GALNS: variants seen among roughly 807,000 people sequenced by gnomAD.
The protein encoded by GALNS is N-acetylgalactosamine-6-sulfatase.
GALNS carries 65 observed loss-of-function variants against 65.9 expected under a neutral mutation model. The observed-to-expected ratio is 0.99, with a 90% CI of 0.81 to 1.21. The LOEUF is 1.21. Among genes scored for constraint, GALNS ranks in the 50% most tolerant of loss-of-function variants. GALNS has a pLI of 0.00. For missense variants in GALNS, 776 were observed against 700.7 expected (o/e 1.11, Z -1.21); for synonymous variants, 346 against 288.9 (o/e 1.20, Z -2.00).
intron 1 of GALNS, among the ~76,000 whole-genome samples, chr16:88,849,704 G>A (rs1967417923): frequency 6.6e-6 from 1 of 152,070 alleles, no homozygotes; most frequent in South Asian, 2.1e-4. Flanking sequence ...GATCCCAGGT[G>A]TGAGCCACCA....
In GALNS at chr16:88,855,830, G is replaced by A. The variant is rs1967812275; in HGVS notation, c.120+928C>T. On this transcript the variant is annotated intron_variant, in intron 1 of 13. Coordinates refer to ENST00000268695, the MANE Select transcript of GALNS (RefSeq NM_000512.5). ...CAGGTGGGTCTGAAGGCACCTGTCA[G>A]GGTCTCTGCTGGTCGGAGCCAGCAC... The A allele has an allele frequency of 5.9e-6, 3 of 505,598 alleles. No homozygotes were observed. The East Asian group carries it at 1.1e-4, about 18-fold the overall frequency. The allele number at this position is 505,598 out of a possible 1,614,324, so 31.3% of individuals were successfully genotyped here.
At chr16:88,834,801 C>A (rs897708334) in intron 8 of GALNS, among the ~76,000 whole-genome samples, 5 of 152,160 alleles carry the variant, frequency 3.3e-5, no homozygotes, top group African/African-American at 9.7e-5. Flanking sequence ...GGCAGCCCGG[C>A]CCCTGGGTGA....
intron 11 of GALNS, among the ~76,000 whole-genome samples, chr16:88,823,039 C>G (rs1008112221): frequency 5.3e-5 from 8 of 152,328 alleles, no homozygotes; most frequent in African/African-American, 1.9e-4. Context: ...TACCCCTCTT[C>G]TTTGCGAGGC....
chr16:88,817,021 C>T, intron 13 of GALNS: 1 of 985,462 alleles, frequency 1.0e-6, no homozygotes. Flanking sequence ...CTGTGTGTGG[C>T]TCGTTTTTGC....
At chr16:88,836,097 G>A (rs1405860794) in intron 6 of GALNS, 104 bp downstream of exon 6, 4 of 1,194,392 alleles carry the variant, frequency 3.3e-6, no homozygotes, top group Non-Finnish European at 4.9e-6. Context: ...CTCCCACGGG[G>A]TGAGGTTGAT....
chr16:88,842,052 T>C (rs1967000664), intron 2 of GALNS, 81 bp from the exon 3 acceptor site: 2 of 1,242,996 alleles, frequency 1.6e-6, no homozygotes, highest in Admixed American at 2.0e-5. Flanking sequence ...CCCCAACGAG[T>C]AGACAGACGC....
chr16:88,826,312 G>A (rs1431541716), intron 10 of GALNS, among the ~76,000 whole-genome samples: 1 of 143,976 alleles, frequency 6.9e-6, no homozygotes, highest in African/African-American at 2.6e-5. Context: ...GGCGGCGTGT[G>A]TCTGGGTACA....
chr16:88,842,406 G>A (rs1360292054), intron 2 of GALNS: 3 of 534,300 alleles, frequency 5.6e-6, no homozygotes, highest in Admixed American at 6.3e-5. Flanking sequence ...ACCCTGAGAC[G>A]GAGCCACACT....
chr16:88,846,119 A>C (rs188636678), intron 1 of GALNS, among the ~76,000 whole-genome samples: 77 of 152,364 alleles, frequency 5.1e-4, no homozygotes, highest in African/African-American at 1.8e-3. Context: ...GGGAACAGAA[A>C]TTTGGTTAAA....
At chr16:88,826,065 G>A (rs1053217755) in intron 10 of GALNS, among the ~76,000 whole-genome samples, 6 of 152,028 alleles carry the variant, frequency 3.9e-5, no homozygotes, top group Admixed American at 1.3e-4. Flanking sequence ...GCAGAGCAGC[G>A]ACTTGGATGG....
intron 1 of GALNS, among the ~76,000 whole-genome samples, chr16:88,854,381 C>G (rs948438478): frequency 6.6e-6 from 1 of 152,232 alleles, no homozygotes; most frequent in African/African-American, 2.4e-5. Context: ...GTCAGGGCAC[C>G]TCGGGGCTCC....
At chr16:88,830,941 A>T (rs73252814) in intron 9 of GALNS, among the ~76,000 whole-genome samples, 25,349 of 152,104 alleles carry the variant, frequency 0.17, 3,238 homozygotes, top group African/African-American at 0.36. Context: ...GCCTGCTCTA[A>T]GCCCCTTCTA....
At chr16:88,833,897 T>C (rs1432038716) in intron 8 of GALNS, among the ~76,000 whole-genome samples, 1 of 152,258 alleles carries the variant, frequency 6.6e-6, no homozygotes, top group Non-Finnish European at 1.5e-5. Context: ...CATTCCATCA[T>C]TTAGAAATGA....
At chr16:88,849,610 A>T (rs113599978) in intron 1 of GALNS, among the ~76,000 whole-genome samples, 1 of 152,038 alleles carries the variant, frequency 6.6e-6, no homozygotes, top group Admixed American at 6.5e-5. Context: ...TTTGGTAGAG[A>T]TGGAGTTTTG....
chr16:88,844,610 C>T (rs1476821435), intron 1 of GALNS: 1 of 152,324 alleles, frequency 6.6e-6, no homozygotes, highest in East Asian at 1.9e-4. Flanking sequence ...GGCCCCTGCC[C>T]TCTACAGGCC....
chr16:88,855,819 G>C, intron 1 of GALNS: 1 of 509,636 alleles, frequency 2.0e-6, no homozygotes, highest in Non-Finnish European at 3.5e-6. Context: ...TGGGTCTGAA[G>C]GCACCTGTCA....
chr16:88,820,707 G>A (rs1243751339), intron 12 of GALNS, among the ~76,000 whole-genome samples: 1 of 152,228 alleles, frequency 6.6e-6, no homozygotes, highest in East Asian at 1.9e-4. Context: ...CTGGCTGGAG[G>A]GGCTCCAGCA....
In GALNS at chr16:88,817,408, G is replaced by A. The variant is rs145384694; in HGVS notation, c.1482+599C>T. The A allele has an allele frequency of 0.011, 11,046 of 985,442 alleles. 72 individuals are homozygous for A. The highest frequency in any genetic ancestry group is 0.013 in the Non-Finnish European group (10,443 of 829,928). The allele number at this position is 985,442 out of a possible 1,614,324, so 61.0% of individuals were successfully genotyped here. A position where few individuals can be genotyped will look rare whatever the true frequency, so the allele number is the denominator to read the frequency against. ...TCAGGCTGCACGGAGGTGCTGCTCT[G>A]GGTGGGTGCCTATGAGTGAGATCAG... On this transcript the variant is annotated intron_variant, in intron 13 of 13. Transcript: ENST00000268695.
intron 1 of GALNS, 132 bp from the exon 2 acceptor site, chr16:88,842,961 C>T (rs1376415711): frequency 1.3e-6 from 2 of 1,529,478 alleles, no homozygotes; most frequent in Non-Finnish European, 1.8e-6. Context: ...CAGCCAGCGG[C>T]AGAGCTCGGC....
Sources: gnomAD v4.1 joint callset for allele counts (sites outside exome capture counted in the v4.1 genomes callset) on GRCh38, gnomAD v4.1.1 for gene constraint, MANE v1.5 for transcripts, NCBI Gene and HGNC (gene_info 2026-07-23, HGNC 2026-07-21) for gene names.